NDST1: variants seen among roughly 807,000 people sequenced by gnomAD.
NDST1 encodes the protein bifunctional heparan sulfate N-deacetylase/N-sulfotransferase 1.
NDST1 carries 35 observed loss-of-function variants against 92.8 expected under a neutral mutation model. That is an observed-to-expected ratio of 0.38 (90% CI 0.29 to 0.50). The LOEUF is 0.50. NDST1 is among the 20% of genes least tolerant of loss of function. The pLI is 0.94. For missense variants in NDST1, 822 were observed against 1,182.7 expected (o/e 0.69, Z 4.47); for synonymous variants, 493 against 500.3 (o/e 0.99, Z 0.19).
intron 10 of NDST1, among the ~76,000 whole-genome samples, 165 bp downstream of exon 10, chr5:150,543,136 G>A (rs552746051): frequency 2.0e-5 from 3 of 152,302 alleles, no homozygotes; most frequent in African/African-American, 4.8e-5. Flanking sequence ...GTGTGACAGC[G>A]TTGTCATAGA....
intron 1 of NDST1, among the ~76,000 whole-genome samples, chr5:150,498,804 G>A (rs983518121): frequency 6.6e-6 from 1 of 152,132 alleles, no homozygotes; most frequent in Non-Finnish European, 1.5e-5. Flanking sequence ...CTGGGCTGGC[G>A]GCCCCTCCTC....
rs1023411364 is a variant in NDST1, at chr5:150,557,202, C to G, written c.*3870C>G. On this transcript the variant is annotated 3_prime_UTR_variant, in exon 15 of 15. Coordinates refer to ENST00000261797, the MANE Select transcript of NDST1 (RefSeq NM_001543.5). The surrounding 1 kb of genome is among the most constrained non-coding windows in gnomAD (Gnocchi z 4.7). ...GCTCTGGGGGGGCCGGAAAGTCTCCCTGGAGAAGGCCGTAATATCTGGGCC... is the reference window on the plus strand; with the variant it reads ...GCTCTGGGGGGGCCGGAAAGTCTCCGTGGAGAAGGCCGTAATATCTGGGCC... The G allele has an allele frequency of 3.9e-5, 6 of 152,564 alleles. No homozygotes were observed. Among genetic ancestry groups the G allele is most frequent in the African/African-American group, 1.4e-4 (6 of 41,456 alleles). 9.5% of individuals were successfully genotyped at this position (152,564 alleles called of 1,614,324 possible). A position where few individuals can be genotyped will look rare whatever the true frequency, so the allele number is the denominator to read the frequency against.
At position 150,557,314 on chromosome 5, in the gene NDST1, C is replaced by G. The variant is rs1755890339; in HGVS notation, c.*3982C>G. 6.5e-6 allele frequency: 1 copy of G among 152,674 alleles called. No individual in the cohort carries two copies. Among genetic ancestry groups the G allele is most frequent in the Non-Finnish European group, 1.5e-5 (1 of 68,116 alleles). The allele number at this position is 152,674 out of a possible 1,614,324, so 9.5% of individuals were successfully genotyped here. On this transcript the variant is annotated 3_prime_UTR_variant, in exon 15 of 15. Coordinates refer to ENST00000261797, the MANE Select transcript of NDST1 (RefSeq NM_001543.5). This position sits in a 1 kb window ranked among gnomAD's most constrained non-coding sequence, Gnocchi z 4.7. ...GACCCTGGGGATGGGCCACAGGGCA[C>G]CAAACACATCATATGTCTCTCTCTT... is the stretch of plus-strand genomic sequence containing the variant.
intron 6 of NDST1, among the ~76,000 whole-genome samples, chr5:150,536,558 CT>C (rs997677384): frequency 1.3e-5 from 2 of 151,160 alleles, no homozygotes; most frequent in Non-Finnish European, 3.0e-5. Flanking sequence ...GCATCTATCC[CT>C]TTTTTTTTCT....
rs1755136611 is a variant in NDST1, at chr5:150,539,321, G to A, written c.1531G>A (p.Gly511Arg). The A allele has an allele frequency of 1.9e-6, 3 of 1,613,914 alleles. No homozygotes were observed. Among genetic ancestry groups the A allele is most frequent in the African/African-American group, 1.3e-5 (1 of 74,874 alleles). ...CAGTGAGCTGGACAAGATCATCAAC[G>A]GGGGCGAGCTCTTCCTCACCGTGCT... ...GSSELDKIIN[G>R]GELFLTVLLN... Residue 511 changes from glycine to arginine, a missense_variant, in exon 7 of 15, where the codon GGG (glycine) becomes AGG (arginine). Coordinates refer to ENST00000261797, the MANE Select transcript of NDST1 (RefSeq NM_001543.5).
chr5:150,545,059 G>A (rs535157323), intron 10 of NDST1, among the ~76,000 whole-genome samples: 6 of 152,250 alleles, frequency 3.9e-5, no homozygotes, highest in Non-Finnish European at 7.4e-5. Context: ...AACTGCCGGC[G>A]CACCCACAAG....
intron 1 of NDST1, among the ~76,000 whole-genome samples, chr5:150,510,195 T>G (rs1191728208): frequency 6.6e-6 from 1 of 152,184 alleles, no homozygotes; most frequent in Non-Finnish European, 1.5e-5. Flanking sequence ...TTCAGGGTGT[T>G]AGGATTGAGC....
rs781363216 is a variant in NDST1 at position 150,508,203 on chromosome 5, C to T, written c.-411C>T. ...AGGGCGTGGCGAAGTGAAGAGGAAC[C>T]TCACGCCACTGCCTGGAGCTCCGGT... On this transcript the variant is annotated 5_prime_UTR_variant, in exon 1 of 15. Coordinates refer to ENST00000261797, the MANE Select transcript of NDST1 (RefSeq NM_001543.5). 5.9e-5 allele frequency: 9 copies of T among 152,542 alleles called. No individual in the cohort carries two copies. The highest frequency in any genetic ancestry group is 8.8e-5 in the Non-Finnish European group (6 of 68,326). The allele number at this position is 152,542 out of a possible 1,614,324, so 9.4% of individuals were successfully genotyped here. A position where few individuals can be genotyped will look rare whatever the true frequency, so the allele number is the denominator to read the frequency against.
At chr5:150,549,938 A>G in intron 13 of NDST1, 151 bp downstream of exon 13, 3 of 685,990 alleles carry the variant, frequency 4.4e-6, no homozygotes, top group South Asian at 3.1e-5. Context: ...CATATTAATA[A>G]AGGTATCACC....
intron 1 of NDST1, among the ~76,000 whole-genome samples, chr5:150,502,129 CG>C (rs1561584743): frequency 6.6e-6 from 1 of 152,026 alleles, no homozygotes; most frequent in African/African-American, 2.4e-5. Flanking sequence ...AAGCTGCTGG[CG>C]GGCCCGATGT....
Position 150,554,419 on chromosome 5 carries a change from A to G in NDST1, c.*1087A>G. On this transcript the variant is annotated 3_prime_UTR_variant, in exon 15 of 15. Coordinates refer to ENST00000261797, the MANE Select transcript of NDST1 (RefSeq NM_001543.5). ...GGGTTCGTTTTTAATTCAGTCCTAC[A>G]AAATGGTGGTAAGCCCCAGTCTCAG... 1 of 152,418 alleles carries G rather than the reference A, an allele frequency of 6.6e-6. No individual in the cohort carries two copies. The highest frequency in any genetic ancestry group is 1.9e-4 in the East Asian group (1 of 5,218). The allele number at this position is 152,418 out of a possible 1,614,324, so 9.4% of individuals were successfully genotyped here.
Position 150,542,843 on chromosome 5 carries a change from C to G in NDST1, c.1847-5C>G, listed in dbSNP as rs1354761517. On this transcript the variant is annotated splice_region_variant and splice_polypyrimidine_tract_variant and intron_variant, in intron 9 of 14. Transcript: ENST00000261797. Reference sequence around the variant, plus strand: ...CTGGGTCTCAGGTGTCTACCCTCCCCACAGGCACCACTGCCCTCTACCTGT... The same window carrying G: ...CTGGGTCTCAGGTGTCTACCCTCCCGACAGGCACCACTGCCCTCTACCTGT... 6.2e-7 allele frequency: 1 copy of G among 1,614,076 alleles called. No homozygotes were observed. Among genetic ancestry groups the G allele is most frequent in the Non-Finnish European group, 8.5e-7 (1 of 1,179,944 alleles).
intron 1 of NDST1, among the ~76,000 whole-genome samples, chr5:150,518,221 C>T (rs867983256): frequency 1.4e-5 from 2 of 147,708 alleles, no homozygotes; most frequent in Non-Finnish European, 3.1e-5. Context: ...GGTACCCTTC[C>T]TCCAGGAAGC....
chr5:150,530,307 T>G (rs1165170069), intron 3 of NDST1, among the ~76,000 whole-genome samples: 1 of 152,210 alleles, frequency 6.6e-6, no homozygotes, highest in Non-Finnish European at 1.5e-5. Flanking sequence ...AGCCTTCCAG[T>G]CTAAGTCTTC....
intron 11 of NDST1, among the ~76,000 whole-genome samples, chr5:150,547,776 C>T (rs1000812099): frequency 6.6e-6 from 1 of 152,182 alleles, no homozygotes; most frequent in Non-Finnish European, 1.5e-5. Flanking sequence ...ACCTCCACCC[C>T]CCGAGTTTAA....
At chr5:150,540,371 C>T in intron 8 of NDST1, 107 bp downstream of exon 8, 6 of 1,225,908 alleles carry the variant, frequency 4.9e-6, no homozygotes, top group South Asian at 1.5e-5. Flanking sequence ...TGCCTTCACA[C>T]TCTCGCTCGA....
chr5:150,537,156 G>A (rs566671412), intron 6 of NDST1, among the ~76,000 whole-genome samples: 46 of 152,332 alleles, frequency 3.0e-4, no homozygotes, highest in Admixed American at 1.5e-3. Context: ...CATAAGCTGA[G>A]GATGAATGTC....
rs770655306 is a variant in NDST1 at position 150,521,492 on chromosome 5, C to T, written c.238C>T (p.Arg80Cys). ...LKPVQAATPSRTDPLVLVFVE... is the reference protein window; with the variant it reads ...LKPVQAATPSCTDPLVLVFVE... ...GCCTGTGCAGGCAGCCACCCCTTCCCGCACAGACCCGTTGGTGCTGGTCTT... is the reference window on the plus strand; with the variant it reads ...GCCTGTGCAGGCAGCCACCCCTTCCTGCACAGACCCGTTGGTGCTGGTCTT... Residue 80 changes from arginine (R) to cysteine (C), a missense_variant, in exon 2 of 15, where the codon CGC (arginine) becomes TGC (cysteine). By Grantham distance (180) the Arg-to-Cys change is radical (BLOSUM62 -3). Coordinates refer to ENST00000261797, the MANE Select transcript of NDST1 (RefSeq NM_001543.5). The surrounding 1 kb of genome is among the most constrained non-coding windows in gnomAD (Gnocchi z 5.9). 21 of 1,613,910 alleles carry T rather than the reference C, an allele frequency of 1.3e-5. No individual in the cohort carries two copies. The highest frequency in any genetic ancestry group is 3.3e-5 in the Admixed American group (2 of 60,010).
Position 150,539,218 on chromosome 5 carries a change from CCCT to C in NDST1, c.1438-5_1438-3del. The C allele has an allele frequency of 6.2e-7, 1 of 1,611,680 alleles. No homozygotes were observed. Among genetic ancestry groups the C allele is most frequent in the Non-Finnish European group, 8.5e-7 (1 of 1,177,746 alleles). ...GGCACCATAGCTCCTCTCCCCCACC[CCCT>C]CCTCAGGTTCTCCCACGGCAGACCT... is the stretch of plus-strand genomic sequence containing the variant. On this transcript the variant is annotated splice_polypyrimidine_tract_variant and splice_region_variant and intron_variant, in intron 6 of 14. Coordinates refer to ENST00000261797, the MANE Select transcript of NDST1 (RefSeq NM_001543.5).
Sources: allele counts gnomAD v4.1 joint callset (sites outside exome capture counted in the v4.1 genomes callset), GRCh38; gene constraint gnomAD v4.1.1; non-coding constraint Gnocchi (gnomAD v3.1); transcripts MANE v1.5; gene names NCBI Gene and HGNC (gene_info 2026-07-23, HGNC 2026-07-21).